The following RNF146 variants were observed in gnomAD, a reference collection of about 807,000 sequenced individuals.
The protein encoded by RNF146 is E3 ubiquitin-protein ligase RNF146.
RNF146 carries 11 observed loss-of-function variants against 29.7 expected under a neutral mutation model. The observed-to-expected ratio is 0.37, with a 90% CI of 0.23 to 0.61. RNF146 has a LOEUF of 0.61. RNF146 is among the 20% of genes least tolerant of loss of function. RNF146 has a pLI of 0.66. For missense variants in RNF146, 342 were observed against 438.9 expected, an observed-to-expected ratio of 0.78 and a Z score of 1.97; for synonymous variants, 150 against 159.7, an observed-to-expected ratio of 0.94 and a Z score of 0.46.
chr6:127,283,466 A>G (rs550974527), intron 2 of RNF146, among the ~76,000 whole-genome samples: 70 of 151,906 alleles, frequency 4.6e-4, no homozygotes, highest in Non-Finnish European at 7.8e-4. Flanking sequence ...ACATATTGGT[A>G]TGATCATCTG....
intron 2 of RNF146, chr6:127,285,993 C>A (rs1177798211): frequency 1.1e-5 from 13 of 1,174,254 alleles, no homozygotes; most frequent in African/African-American, 1.6e-5. Context: ...AATTTTATGT[C>A]AGTGTTTAAG....
intron 1 of RNF146, among the ~76,000 whole-genome samples, chr6:127,279,469 A>G (rs1325719455): frequency 6.6e-6 from 1 of 151,806 alleles, no homozygotes; most frequent in Admixed American, 6.6e-5. Flanking sequence ...ATTCTATATC[A>G]TTGGTGTATT....
chr6:127,276,592 TGAGATCAGGAACTGGATAAAGGAAAG>T (rs1478816465), intron 1 of RNF146, among the ~76,000 whole-genome samples: 3 of 151,690 alleles, frequency 2.0e-5, no homozygotes, highest in Non-Finnish European at 2.9e-5. Flanking sequence ...GGAAAGGAAA[TGAGATCAGGAACTGGATAAAGGAAAG>T]GAGATGGTCA....
chr6:127,273,875 A>AT (rs1192236277), intron 1 of RNF146, among the ~76,000 whole-genome samples: 15 of 152,166 alleles, frequency 9.9e-5, no homozygotes, highest in South Asian at 2.1e-4. Context: ...TCACTGATAC[A>AT]TTCTTTTGTT....
intron 1 of RNF146, among the ~76,000 whole-genome samples, chr6:127,268,930 T>G (rs1299470993): frequency 6.6e-6 from 1 of 152,184 alleles, no homozygotes; most frequent in Non-Finnish European, 1.5e-5. Flanking sequence ...TTTCACAATA[T>G]CGATCTTTTT....
intron 1 of RNF146, among the ~76,000 whole-genome samples, chr6:127,271,221 T>G (rs1411028236): frequency 6.6e-6 from 1 of 152,218 alleles, no homozygotes; most frequent in Non-Finnish European, 1.5e-5. Context: ...ATGTTATCAG[T>G]AAAGCTTCCA....
intron 2 of RNF146, chr6:127,285,265 G>C (rs1336814665): frequency 1.0e-6 from 1 of 984,526 alleles, no homozygotes; most frequent in African/African-American, 1.8e-5. Flanking sequence ...AGAAAAGGCA[G>C]TAAAAAGAAA....
chr6:127,281,629 G>A (rs1023492767), intron 2 of RNF146, among the ~76,000 whole-genome samples: 4 of 151,712 alleles, frequency 2.6e-5, no homozygotes, highest in African/African-American at 7.2e-5. Context: ...AGAGGAGTCA[G>A]GGAACAGTAA....
At chr6:127,281,268 A>T (rs1778878672) in intron 2 of RNF146, among the ~76,000 whole-genome samples, 1 of 151,758 alleles carries the variant, frequency 6.6e-6, no homozygotes, top group Non-Finnish European at 1.5e-5. Context: ...TTAAAAATAT[A>T]TATTTTATTT....
chr6:127,273,215 A>T (rs1009391885), intron 1 of RNF146, among the ~76,000 whole-genome samples: 1 of 152,232 alleles, frequency 6.6e-6, no homozygotes, highest in Non-Finnish European at 1.5e-5. Flanking sequence ...ATACATGCAG[A>T]GATGATTAGT....
chr6:127,280,297 G>A lies in RNF146; in HGVS notation c.-42G>A. Reference sequence around the variant, plus strand: ...CTGGCTGACTGCTGGTGAAGAAAATGCTTTATTTTTGTGGCAGGCATCTGT... The same window carrying A: ...CTGGCTGACTGCTGGTGAAGAAAATACTTTATTTTTGTGGCAGGCATCTGT... On this transcript the variant is annotated 5_prime_UTR_variant, in exon 2 of 3. An upstream start codon of the reference 5' UTR is lost. Transcript: ENST00000368314. The A allele has an allele frequency of 5.8e-6, 9 of 1,546,152 alleles. No homozygotes were observed. The highest frequency in any genetic ancestry group is 7.9e-6 in the Non-Finnish European group (9 of 1,143,812).
chr6:127,287,134 C>G lies in RNF146; in HGVS notation c.521C>G (p.Pro174Arg). The G allele has an allele frequency of 1.9e-6, 3 of 1,613,034 alleles. No individual in the cohort carries two copies. The highest frequency in any genetic ancestry group is 2.5e-6 in the Non-Finnish European group (3 of 1,179,556). ...RKIKRDIIDI[P>R]KKGVAGLRLD... is the part of the protein sequence containing the mutation. ...ATTAAGCGAGATATAATAGATATAC[C>G]AAAGAAGGGAGTAGCTGGACTTAGG... is the stretch of plus-strand genomic sequence containing the variant. Residue 174 changes from proline (P) to arginine (R), a missense_variant, in exon 3 of 3, where the codon CCA becomes CGA. Around this residue, in one of 6 missense-constraint regions of RNF146, gnomAD observed 28 missense variants for 40.7 expected, o/e 0.69. Coordinates refer to ENST00000368314, the MANE Select transcript of RNF146 (RefSeq NM_001242850.2).
Position 127,287,240 on chromosome 6 carries a change from A to G in RNF146, c.627A>G (p.Gly209=). 2.5e-6 allele frequency: 4 copies of G among 1,613,390 alleles called. No individual in the cohort carries two copies. The highest frequency in any genetic ancestry group is 3.4e-6 in the Non-Finnish European group (4 of 1,179,630). ...CGGACAGTGTATCAGCACAGAGTGG[A>G]GCTTCTGTTCAGCCCCTAGTGTCTT... ...DGADSVSAQS[G]ASVQPLVSSV... Residue 209 remains glycine, a synonymous_variant, in exon 3 of 3, where the codon GGA becomes GGG. Coordinates refer to ENST00000368314, the MANE Select transcript of RNF146 (RefSeq NM_001242850.2).
At chr6:127,275,157 A>G (rs1199778292) in intron 1 of RNF146, among the ~76,000 whole-genome samples, 2 of 152,100 alleles carry the variant, frequency 1.3e-5, no homozygotes, top group African/African-American at 4.8e-5. Flanking sequence ...AGCTTTGTGA[A>G]GCTGTTTTGG....
intron 1 of RNF146, among the ~76,000 whole-genome samples, chr6:127,267,793 T>A (rs1481976443): frequency 6.6e-6 from 1 of 152,196 alleles, no homozygotes; most frequent in Non-Finnish European, 1.5e-5. Context: ...AGGCTGTTGC[T>A]TTGTTCTGAT....
At chr6:127,270,942 A>G (rs746707312) in intron 1 of RNF146, among the ~76,000 whole-genome samples, 1 of 151,648 alleles carries the variant, frequency 6.6e-6, no homozygotes, top group Non-Finnish European at 1.5e-5. Context: ...CAGCCTCCCA[A>G]TTAGCTGGGA....
At chr6:127,275,321 AT>A (rs1177481203) in intron 1 of RNF146, among the ~76,000 whole-genome samples, 3 of 152,160 alleles carry the variant, frequency 2.0e-5, no homozygotes, top group South Asian at 4.1e-4. Flanking sequence ...ACTCCTTTAG[AT>A]TTTAAGTTAT....
intron 1 of RNF146, among the ~76,000 whole-genome samples, chr6:127,270,942 A>C (rs746707312): frequency 6.6e-6 from 1 of 151,764 alleles, no homozygotes; most frequent in East Asian, 1.9e-4. Flanking sequence ...CAGCCTCCCA[A>C]TTAGCTGGGA....
intron 1 of RNF146, among the ~76,000 whole-genome samples, chr6:127,275,859 C>A (rs754527552): frequency 2.6e-5 from 4 of 152,012 alleles, no homozygotes; most frequent in Non-Finnish European, 4.4e-5. Flanking sequence ...GATTATTAAT[C>A]TATGGGTGGT....
Sources: allele counts gnomAD v4.1 joint callset (sites outside exome capture counted in the v4.1 genomes callset), GRCh38; gene constraint gnomAD v4.1.1; regional missense constraint gnomAD v4.1.1; transcripts MANE v1.5; gene names NCBI Gene and HGNC (gene_info 2026-07-23, HGNC 2026-07-21).